The following TBC1D22A variants were observed in gnomAD, a reference collection of about 807,000 sequenced individuals.
The protein encoded by TBC1D22A is putative GTPase activator.
A neutral mutation model predicts 60.2 loss-of-function variants in TBC1D22A; 38 were observed. That is an observed-to-expected ratio of 0.63 (90% CI 0.49 to 0.83). The LOEUF (loss-of-function observed/expected upper bound fraction) is 0.83, where lower values mean the gene tolerates loss of function less well. Ranked by LOEUF, TBC1D22A falls within the 40% of genes least tolerant of loss-of-function variation. The pLI, the probability that TBC1D22A is intolerant of heterozygous loss-of-function variation, is 0.00. For missense variants in TBC1D22A, 628 were observed against 701.0 expected, an observed-to-expected ratio of 0.90 and a Z score of 1.18; for synonymous variants, 302 against 281.7, an observed-to-expected ratio of 1.07 and a Z score of -0.72.
intron 1 of TBC1D22A, among the ~76,000 whole-genome samples, chr22:46,769,192 A>G (rs1194515675): frequency 6.6e-6 from 1 of 152,076 alleles, no homozygotes; most frequent in Non-Finnish European, 1.5e-5. Flanking sequence ...GCTGGAGCAC[A>G]AGAGGGTTCT....
chr22:46,916,504 G>A (rs1011120261), intron 8 of TBC1D22A, among the ~76,000 whole-genome samples: 1 of 152,248 alleles, frequency 6.6e-6, no homozygotes, highest in Admixed American at 6.5e-5. Flanking sequence ...TTTAGGGCAT[G>A]CTCTTGCACA....
chr22:46,836,924 T>C (rs1280648485), intron 4 of TBC1D22A, among the ~76,000 whole-genome samples: 1 of 150,848 alleles, frequency 6.6e-6, no homozygotes, highest in Non-Finnish European at 1.5e-5. Context: ...TTTGGGAGGC[T>C]GAGGTGGGAG....
intron 4 of TBC1D22A, among the ~76,000 whole-genome samples, chr22:46,849,400 G>A (rs181815353): frequency 4.6e-5 from 7 of 152,170 alleles, no homozygotes; most frequent in Admixed American, 4.6e-4. Flanking sequence ...ATTAGTGGAG[G>A]CCTCAGATCC....
At chr22:47,044,090 C>T (rs1190060537) in intron 11 of TBC1D22A, among the ~76,000 whole-genome samples, 2 of 122,578 alleles carry the variant, frequency 1.6e-5, no homozygotes, top group Admixed American at 8.6e-5. Context: ...GCCGTGCTGC[C>T]TGGCATTTGG....
At chr22:46,886,481 G>C (rs995256086) in intron 5 of TBC1D22A, among the ~76,000 whole-genome samples, 2 of 152,220 alleles carry the variant, frequency 1.3e-5, no homozygotes, top group African/African-American at 4.8e-5. Flanking sequence ...TAACCAGGCG[G>C]TTGTGACCCG....
intron 9 of TBC1D22A, among the ~76,000 whole-genome samples, chr22:46,988,332 A>G (rs1457104370): frequency 1.3e-5 from 2 of 152,230 alleles, no homozygotes; most frequent in African/African-American, 4.8e-5. Context: ...ATGAATCACA[A>G]ATGTTCTTAA....
rs2066365421 is a variant in TBC1D22A, at chr22:47,124,069, C to G, written c.1425+12466C>G. Among the ~76,000 whole-genome samples, 5 of 152,092 alleles carry G rather than the reference C, an allele frequency of 3.3e-5. No individual in the cohort carries two copies. In the South Asian group the frequency reaches 1.0e-3, roughly 32 times the overall value. On this transcript the variant is annotated intron_variant, in intron 12 of 12. Coordinates refer to ENST00000337137, the MANE Select transcript of TBC1D22A (RefSeq NM_014346.5). ...AGGTCCATGGTGGGTGCGCTTACTG[C>G]CGGATTAGGCCTCCCCGAAGAGGGG...
intron 9 of TBC1D22A, among the ~76,000 whole-genome samples, chr22:46,977,427 C>G (rs2074344138): frequency 6.6e-6 from 1 of 152,126 alleles, no homozygotes; most frequent in South Asian, 2.1e-4. Context: ...CCTCTGTCCC[C>G]AAGAAGCTCA....
intron 12 of TBC1D22A, among the ~76,000 whole-genome samples, chr22:47,125,216 G>T (rs1259569257): frequency 6.6e-6 from 1 of 152,144 alleles, no homozygotes; most frequent in Non-Finnish European, 1.5e-5. Context: ...CACCCCCCTG[G>T]GTTCCTCCTC....
chr22:47,070,865 T>G (rs904211189), intron 11 of TBC1D22A, among the ~76,000 whole-genome samples: 2 of 147,024 alleles, frequency 1.4e-5, no homozygotes, highest in African/African-American at 5.0e-5. Flanking sequence ...CCCTGTTGTT[T>G]GGCTGGAGCG....
intron 8 of TBC1D22A, among the ~76,000 whole-genome samples, chr22:46,938,725 A>G (rs896013490): frequency 6.6e-6 from 1 of 151,758 alleles, no homozygotes; most frequent in Non-Finnish European, 1.5e-5. Context: ...AGCTGGGATT[A>G]CAGGCACCTG....
At chr22:47,077,978 G>A (rs2064297399) in intron 11 of TBC1D22A, among the ~76,000 whole-genome samples, 1 of 152,194 alleles carries the variant, frequency 6.6e-6, no homozygotes, top group African/African-American at 2.4e-5. Flanking sequence ...TGGAATGGTT[G>A]TCTCAGTGTT....
chr22:47,135,650 G>C (rs1404409277), intron 12 of TBC1D22A, among the ~76,000 whole-genome samples: 2 of 152,250 alleles, frequency 1.3e-5, no homozygotes, highest in Non-Finnish European at 2.9e-5. Flanking sequence ...ATGGTGGGGA[G>C]GAGTTGAAGG....
intron 4 of TBC1D22A, among the ~76,000 whole-genome samples, chr22:46,846,150 C>T (rs1328159580): frequency 6.6e-6 from 1 of 152,192 alleles, no homozygotes; most frequent in Non-Finnish European, 1.5e-5. Flanking sequence ...AGCAATGTGC[C>T]GAGTGCTTTT....
intron 11 of TBC1D22A, among the ~76,000 whole-genome samples, chr22:47,056,441 G>A (rs772972597): frequency 5.9e-5 from 9 of 152,202 alleles, no homozygotes; most frequent in Non-Finnish European, 5.9e-5. Context: ...ATGAGCCTGC[G>A]CATTTTCAGC....
chr22:46,859,006 C>G (rs1277519266), intron 4 of TBC1D22A, among the ~76,000 whole-genome samples: 1 of 127,096 alleles, frequency 7.9e-6, no homozygotes, highest in Non-Finnish European at 1.7e-5. Flanking sequence ...TTCCCGGGAC[C>G]AGAATCCTTT....
chr22:47,089,841 A>T (rs1230998338), intron 11 of TBC1D22A, among the ~76,000 whole-genome samples: 3 of 152,164 alleles, frequency 2.0e-5, no homozygotes, highest in Non-Finnish European at 2.9e-5. Context: ...ACTTTTATTC[A>T]CAAGTCTTAT....
intron 8 of TBC1D22A, among the ~76,000 whole-genome samples, chr22:46,947,501 C>CTGG (rs1298993134): frequency 3.3e-5 from 5 of 152,220 alleles, no homozygotes; most frequent in African/African-American, 9.6e-5. Context: ...GCTGAACCTG[C>CTGG]TGGTGGGACA....
At chr22:46,907,226 ACTACCCTCT>A (rs2147747828) in intron 7 of TBC1D22A, among the ~76,000 whole-genome samples, 1 of 151,964 alleles carries the variant, frequency 6.6e-6, no homozygotes, top group East Asian at 1.9e-4. Flanking sequence ...CTCAGCTTTC[ACTACCCTCT>A]CTTCCCGTCA....
Sources: allele counts gnomAD v4.1 joint callset (sites outside exome capture counted in the v4.1 genomes callset), GRCh38; gene constraint gnomAD v4.1.1; transcripts MANE v1.5; gene names NCBI Gene and HGNC (gene_info 2026-07-23, HGNC 2026-07-21).